The following ACO1 variants were observed in gnomAD, a reference collection of about 807,000 sequenced individuals.
ACO1 encodes cytoplasmic aconitate hydratase.
A neutral mutation model predicts 105.1 loss-of-function variants in ACO1; 78 were observed. The observed-to-expected ratio is 0.74, with a 90% CI of 0.62 to 0.90. ACO1 has a LOEUF of 0.90. Among genes scored for constraint, ACO1 ranks in the 40% least tolerant of loss-of-function variants. The probability of loss-of-function intolerance (pLI) is 0.00; values close to 1 mark genes in which losing one functional copy is unlikely to be tolerated. For missense variants in ACO1, 965 were observed against 1,111.1 expected, an observed-to-expected ratio of 0.87 and a Z score of 1.87; for synonymous variants, 364 against 397.4, an observed-to-expected ratio of 0.92 and a Z score of 1.00.
chr9:32,450,258 T>G lies in ACO1; in HGVS notation c.*147T>G. 1.3e-6 allele frequency: 1 copy of G among 749,534 alleles called. No individual in the cohort carries two copies. Among genetic ancestry groups the G allele is most frequent in the Non-Finnish European group, 2.5e-6 (1 of 405,364 alleles). The allele number at this position is 749,534 out of a possible 1,614,324, so 46.4% of individuals were successfully genotyped here. A position where few individuals can be genotyped will look rare whatever the true frequency, so the allele number is the denominator to read the frequency against. On this transcript the variant is annotated 3_prime_UTR_variant, in exon 21 of 21. Coordinates refer to ENST00000309951, the MANE Select transcript of ACO1 (RefSeq NM_002197.3). ...AGCACTGAGGGTCTGGTGCCAATCCTGTAGGCACAAAACCAGAAGTTTCTA... is the reference window on the plus strand; with the variant it reads ...AGCACTGAGGGTCTGGTGCCAATCCGGTAGGCACAAAACCAGAAGTTTCTA...
At chr9:32,409,859 T>C (rs1821697687) in intron 4 of ACO1, among the ~76,000 whole-genome samples, 1 of 152,038 alleles carries the variant, frequency 6.6e-6, no homozygotes, top group African/African-American at 2.4e-5. Context: ...ATAAAATGTG[T>C]TACAAAGAAG....
chr9:32,438,618 T>C (rs1350242704), intron 18 of ACO1, among the ~76,000 whole-genome samples: 1 of 152,054 alleles, frequency 6.6e-6, no homozygotes, highest in Non-Finnish European at 1.5e-5. Flanking sequence ...AGGAAAAACA[T>C]AGAAAAAATG....
At chr9:32,404,282 A>C (rs1587519996) in intron 1 of ACO1, among the ~76,000 whole-genome samples, 4 of 151,706 alleles carry the variant, frequency 2.6e-5, no homozygotes, top group African/African-American at 9.7e-5. Flanking sequence ...CCCCCCATTC[A>C]CCCAGCAGCC....
intron 12 of ACO1, among the ~76,000 whole-genome samples, 166 bp from the exon 13 acceptor site, chr9:32,429,253 C>G (rs1194628368): frequency 6.6e-6 from 1 of 152,110 alleles, no homozygotes; most frequent in African/African-American, 2.4e-5. Flanking sequence ...TGTTATATAT[C>G]AGAATGCTCT....
chr9:32,451,473 T>C lies in ACO1; in HGVS notation c.*1362T>C, dbSNP rs1822765967. On this transcript the variant is annotated 3_prime_UTR_variant, in exon 21 of 21. Transcript: ENST00000309951. ...GAAAGCTGGTGGTATAACAACTTGG[T>C]TCAAGTCCAAATGCCTAAGAACCTG... The C allele has an allele frequency of 6.6e-6, 1 of 152,140 alleles. No homozygotes were observed. Among genetic ancestry groups the C allele is most frequent in the Admixed American group, 6.5e-5 (1 of 15,268 alleles). The allele number at this position is 152,140 out of a possible 1,614,324, so 9.4% of individuals were successfully genotyped here.
intron 19 of ACO1, among the ~76,000 whole-genome samples, chr9:32,447,564 CTGTCAATT>C (rs1312020680): frequency 5.3e-5 from 8 of 152,222 alleles, no homozygotes; most frequent in African/African-American, 1.7e-4. Context: ...AAGCCTGCTT[CTGTCAATT>C]TGTCAATCTC....
intron 4 of ACO1, among the ~76,000 whole-genome samples, chr9:32,409,458 G>A (rs971096409): frequency 1.3e-5 from 2 of 152,196 alleles, no homozygotes; most frequent in African/African-American, 4.8e-5. Context: ...CCTTTAGGTG[G>A]GGAAAAACTA....
chr9:32,426,690 C>CA (rs964102440), intron 11 of ACO1, among the ~76,000 whole-genome samples: 11 of 152,106 alleles, frequency 7.2e-5, no homozygotes, highest in Non-Finnish European at 2.9e-5. Context: ...GACAAGTTAC[C>CA]AGCTTGTCTG....
At chr9:32,389,844 G>A (rs1821230392) in intron 1 of ACO1, among the ~76,000 whole-genome samples, 1 of 141,008 alleles carries the variant, frequency 7.1e-6, no homozygotes, top group Non-Finnish European at 1.5e-5. Flanking sequence ...TGTCACACAG[G>A]CTAGAGTGCA....
intron 1 of ACO1, among the ~76,000 whole-genome samples, chr9:32,401,599 T>C (rs1445947293): frequency 6.6e-6 from 1 of 152,220 alleles, no homozygotes; most frequent in Non-Finnish European, 1.5e-5. Flanking sequence ...CATGCCTTAG[T>C]GCCATGCTAT....
chr9:32,396,429 C>T lies in ACO1; in HGVS notation c.-22-9056C>T, dbSNP rs185799667. Reference sequence around the variant, plus strand: ...ACAACATCAAAATTGGCTAAAGAGCCTCATGTGGTCTGGCCGCTACTACCT... The same window carrying T: ...ACAACATCAAAATTGGCTAAAGAGCTTCATGTGGTCTGGCCGCTACTACCT... On this transcript the variant is annotated intron_variant, in intron 1 of 20. Coordinates refer to ENST00000309951, the MANE Select transcript of ACO1 (RefSeq NM_002197.3). 1.7e-3 allele frequency among the ~76,000 whole-genome samples: 257 copies of T among 152,288 alleles called. 3 individuals are homozygous for T. Among genetic ancestry groups the T allele is most frequent in the Non-Finnish European group, 8.8e-4 (60 of 68,022 alleles).
intron 18 of ACO1, among the ~76,000 whole-genome samples, chr9:32,437,725 A>C (rs2118545030): frequency 6.6e-6 from 1 of 152,274 alleles, no homozygotes; most frequent in South Asian, 2.1e-4. Flanking sequence ...AAAGTAAAAG[A>C]AAAAAATTAT....
intron 17 of ACO1, 155 bp from the exon 18 acceptor site, chr9:32,436,095 C>T: frequency 1.0e-6 from 1 of 988,016 alleles, no homozygotes; most frequent in Non-Finnish European, 1.6e-6. Context: ...GCTTTGGGGA[C>T]AGCTTTTCTG....
Position 32,452,278 on chromosome 9 carries a change from A to T in ACO1, c.*2167A>T, listed in dbSNP as rs1336017245. The T allele has an allele frequency of 6.6e-6, 1 of 152,252 alleles. No individual in the cohort carries two copies. Among genetic ancestry groups the T allele is most frequent in the Non-Finnish European group, 1.5e-5 (1 of 68,090 alleles). 9.4% of individuals were successfully genotyped at this position (152,252 alleles called of 1,614,324 possible). ...TCTGTATTTTTGTATCCTCCCCAAA[A>T]TTCAGGTGGTGAAACCTTAACCCCC... On this transcript the variant is annotated 3_prime_UTR_variant, in exon 21 of 21. Transcript: ENST00000309951.
chr9:32,408,466 A>G, intron 3 of ACO1, 48 bp from the exon 4 acceptor site: 1 of 1,604,198 alleles, frequency 6.2e-7, no homozygotes, highest in Non-Finnish European at 8.5e-7. Flanking sequence ...AAATCCAGTT[A>G]CACACATTTA....
At chr9:32,431,371 G>T (rs916522114) in intron 14 of ACO1, among the ~76,000 whole-genome samples, 1 of 152,178 alleles carries the variant, frequency 6.6e-6, no homozygotes, top group Non-Finnish European at 1.5e-5. Flanking sequence ...TGGTCCTTGA[G>T]CATAGTCCTG....
At chr9:32,427,545 G>A in intron 12 of ACO1, 109 bp downstream of exon 12, 1 of 1,452,270 alleles carries the variant, frequency 6.9e-7, no homozygotes, top group Non-Finnish European at 9.5e-7. Flanking sequence ...ATATCTAATT[G>A]CATAGTCGTT....
chr9:32,421,085 G>T, intron 8 of ACO1, 58 bp downstream of exon 8: 1 of 1,564,738 alleles, frequency 6.4e-7, no homozygotes, highest in South Asian at 1.1e-5. Flanking sequence ...GAAACACCAA[G>T]AATCTGAGCA....
At chr9:32,412,467 C>T (rs1053141813) in intron 4 of ACO1, among the ~76,000 whole-genome samples, 3 of 152,150 alleles carry the variant, frequency 2.0e-5, no homozygotes, top group African/African-American at 7.2e-5. Flanking sequence ...TATTTGCTTC[C>T]TTGGGGATGT....
Sources: gnomAD v4.1 joint callset for allele counts (sites outside exome capture counted in the v4.1 genomes callset) on GRCh38, gnomAD v4.1.1 for gene constraint, MANE v1.5 for transcripts, NCBI Gene and HGNC (gene_info 2026-07-23, HGNC 2026-07-21) for gene names.